SPACA1: variants seen among roughly 807,000 people sequenced by gnomAD.
The protein encoded by SPACA1 is sperm acrosome membrane-associated protein 1.
In SPACA1, 17 loss-of-function variants were observed where a neutral mutation model predicts 32.6. The observed-to-expected ratio is 0.52, with a 90% CI of 0.36 to 0.78. The LOEUF is 0.78. SPACA1 is among the 30% of genes least tolerant of loss of function. SPACA1 has a pLI of 0.01. For missense variants in SPACA1, 363 were observed against 373.4 expected (o/e 0.97, Z 0.23); for synonymous variants, 140 against 138.1 (o/e 1.01, Z -0.10).
At chr6:88,059,714 G>C (rs973497132) in intron 5 of SPACA1, 126 bp downstream of exon 5, 15 of 939,964 alleles carry the variant, frequency 1.6e-5, no homozygotes, top group East Asian at 3.0e-5. Context: ...CAGTAGATTT[G>C]GGATGGGACT....
At chr6:88,056,474 C>T (rs1775809203) in intron 2 of SPACA1, among the ~76,000 whole-genome samples, 1 of 152,238 alleles carries the variant, frequency 6.6e-6, no homozygotes, top group South Asian at 2.1e-4. Context: ...ATGTAGCCTT[C>T]TCCCTTACTA....
intron 2 of SPACA1, among the ~76,000 whole-genome samples, chr6:88,057,381 A>G (rs1582271680): frequency 6.6e-6 from 1 of 152,106 alleles, no homozygotes; most frequent in African/African-American, 2.4e-5. Context: ...CCTTTTTCTT[A>G]TGGTAACCAG....
At position 88,064,146 on chromosome 6, in the gene SPACA1, A is replaced by C. The variant is rs764235962; in HGVS notation, c.658A>C (p.Ile220Leu). ...CCTACCAGCCACTGATGCAGCCCTA[A>C]TTTTTGTGCTGACCATAGGAGTCAT... Reference protein sequence around the residue: ...SSLPATDAALIFVLTIGVIIC... With the variant: ...SSLPATDAALLFVLTIGVIIC... Residue 220 changes from isoleucine (I) to leucine (L), a missense_variant, in exon 6 of 7, where the codon ATT (isoleucine) becomes CTT (leucine). Ile to Leu is a conservative substitution (Grantham distance 5). Transcript: ENST00000237201. The C allele has an allele frequency of 1.9e-6, 3 of 1,613,340 alleles. No homozygotes were observed. The highest frequency in any genetic ancestry group is 2.5e-6 in the Non-Finnish European group (3 of 1,179,592).
At chr6:88,052,573 A>T (rs1775744312) in intron 1 of SPACA1, among the ~76,000 whole-genome samples, 1 of 152,200 alleles carries the variant, frequency 6.6e-6, no homozygotes, top group Non-Finnish European at 1.5e-5. Flanking sequence ...ACGGTGGCTT[A>T]TTCCTGTAAT....
intron 3 of SPACA1, among the ~76,000 whole-genome samples, 190 bp from the exon 4 acceptor site, chr6:88,058,525 GC>G (rs1410058388): frequency 1.3e-5 from 2 of 152,126 alleles, no homozygotes; most frequent in African/African-American, 4.8e-5. Flanking sequence ...TGTAGTCCCA[GC>G]CACTTGAGAG....
chr6:88,057,496 A>C (rs896391721), intron 2 of SPACA1, 116 bp from the exon 3 acceptor site: 4 of 660,434 alleles, frequency 6.1e-6, no homozygotes, highest in African/African-American at 5.5e-5. Flanking sequence ...TGAATTTAGA[A>C]ACTTAATTTC....
rs1775787783 is a variant in SPACA1 at position 88,055,138 on chromosome 6, CT to C, written c.265+1139del. 2.6e-5 allele frequency among the ~76,000 whole-genome samples: 4 copies of C among 152,084 alleles called. No individual in the cohort carries two copies. In the South Asian group the frequency reaches 8.3e-4, roughly 32 times the overall value. On this transcript the variant is annotated intron_variant, in intron 2 of 6. Transcript: ENST00000237201. ...GCAATTACTTATTTGTGGTTTACAT[CT>C]TTGTTTAGCTACTAACTTCGGAAAT...
intron 1 of SPACA1, among the ~76,000 whole-genome samples, chr6:88,051,146 T>TA (rs1260191006): frequency 6.1e-4 from 87 of 143,132 alleles, no homozygotes; most frequent in South Asian, 6.7e-4. Context: ...GACTCTGTCT[T>TA]AAAAAAAAAA....
At chr6:88,052,446 C>G (rs1333157181) in intron 1 of SPACA1, among the ~76,000 whole-genome samples, 1 of 152,134 alleles carries the variant, frequency 6.6e-6, no homozygotes, top group Non-Finnish European at 1.5e-5. Context: ...CAAAATGGAT[C>G]ATCATGATAG....
At chr6:88,061,448 A>G (rs531734308) in intron 5 of SPACA1, among the ~76,000 whole-genome samples, 1 of 152,212 alleles carries the variant, frequency 6.6e-6, no homozygotes, top group Non-Finnish European at 1.5e-5. Flanking sequence ...ACACACACAC[A>G]CACACACACA....
At position 88,047,989 on chromosome 6, in the gene SPACA1, C is replaced by T. The variant is rs1484187502; in HGVS notation, c.84C>T (p.Arg28=). The change falls in exon 1 of 7, where the codon CGC becomes CGT. Residue 28 remains arginine, a synonymous_variant. Transcript: ENST00000237201. ...WLLLAGLQSA[R]GTNVTAAVQD... is the part of the protein sequence containing the mutation. ...TTCTGGCGGGCCTCCAGTCCGCGCG[C>T]GGGACCAACGTCACCGCTGCCGTCC... The T allele has an allele frequency of 5.1e-6, 8 of 1,573,918 alleles. No homozygotes were observed. Among genetic ancestry groups the T allele is most frequent in the East Asian group, 2.3e-5 (1 of 43,134 alleles).
chr6:88,056,989 C>G (rs866363752), intron 2 of SPACA1, among the ~76,000 whole-genome samples: 5 of 152,180 alleles, frequency 3.3e-5, no homozygotes, highest in African/African-American at 1.2e-4. Flanking sequence ...TTAAAGGCAT[C>G]ATTTATGCTA....
At chr6:88,059,643 A>T (rs1274486525) in intron 5 of SPACA1, 55 bp downstream of exon 5, 6 of 1,524,750 alleles carry the variant, frequency 3.9e-6, no homozygotes, top group African/African-American at 2.8e-5. Flanking sequence ...AAAGAGCATT[A>T]AAATCACTTA....
chr6:88,066,032 T>A (rs1775978788), intron 6 of SPACA1, 150 bp from the exon 7 acceptor site: 1 of 516,842 alleles, frequency 1.9e-6, no homozygotes, highest in Admixed American at 3.6e-5. Flanking sequence ...TATGTACAGG[T>A]TATATATATT....
chr6:88,064,905 A>G (rs1005963918), intron 6 of SPACA1, among the ~76,000 whole-genome samples: 2 of 148,092 alleles, frequency 1.4e-5, no homozygotes, highest in Non-Finnish European at 3.0e-5. Flanking sequence ...TATATAATAT[A>G]TGGGTTATAT....
chr6:88,056,257 G>A (rs1441213657), intron 2 of SPACA1, among the ~76,000 whole-genome samples: 2 of 152,144 alleles, frequency 1.3e-5, no homozygotes, highest in Non-Finnish European at 2.9e-5. Flanking sequence ...AGGAGGCTGA[G>A]GCAGGAGAAT....
At position 88,066,195 on chromosome 6, in the gene SPACA1, G is replaced by T. The variant is rs747337328; in HGVS notation, c.745G>T (p.Ala249Ser). The change falls in exon 7 of 7, where the codon GCT becomes TCT. Residue 249 changes from alanine (A) to serine (S), a missense_variant. Transcript: ENST00000237201. ...TTTTTCTTCCAGGGCAGCAGTCAAG[G>T]CTTTCTGGGGGGCAAAAGCCTCTAC... ...FIIINWAAVK[A>S]FWGAKASTPE... 3 of 1,586,338 alleles carry T rather than the reference G, an allele frequency of 1.9e-6. No homozygotes were observed. The East Asian group carries it at 6.7e-5, about 36-fold the overall frequency.
intron 6 of SPACA1, among the ~76,000 whole-genome samples, chr6:88,065,510 T>C (rs1032545831): frequency 6.7e-6 from 1 of 148,944 alleles, no homozygotes; most frequent in African/African-American, 2.4e-5. Flanking sequence ...TTACCTCTTC[T>C]TTAAGAAGTG....
intron 5 of SPACA1, among the ~76,000 whole-genome samples, chr6:88,060,983 G>A (rs958503973): frequency 5.9e-5 from 9 of 152,284 alleles, no homozygotes; most frequent in East Asian, 1.9e-4. Context: ...ATCTCAGTAC[G>A]TGCACTGATT....
Sources: allele counts gnomAD v4.1 joint callset (sites outside exome capture counted in the v4.1 genomes callset), GRCh38; gene constraint gnomAD v4.1.1; transcripts MANE v1.5; gene names NCBI Gene and HGNC (gene_info 2026-07-23, HGNC 2026-07-21).